TECTA: variants seen among roughly 807,000 people sequenced by gnomAD.
TECTA encodes the protein alpha-tectorin.
Under a neutral mutation model 216.8 loss-of-function variants are expected in TECTA, and 128 were observed. That is an observed-to-expected ratio of 0.59 (90% CI 0.51 to 0.68). The LOEUF (loss-of-function observed/expected upper bound fraction) is 0.68. TECTA is among the 30% of genes least tolerant of loss of function. The pLI is 0.00. For synonymous variants in TECTA, 1,089 were observed against 1,117.1 expected, an observed-to-expected ratio of 0.97 and a Z score of 0.50; for missense variants, 2,551 against 2,786.2, an observed-to-expected ratio of 0.92 and a Z score of 1.90.
At position 121,112,391 on chromosome 11, in the gene TECTA, TAA is replaced by T. The variant is rs751533446; in HGVS notation, c.487-680_487-679del. 3.5e-4 allele frequency among the ~76,000 whole-genome samples: 53 copies of T among 152,226 alleles called. 1 individual carries two copies. The highest frequency in any genetic ancestry group is 5.9e-5 in the Non-Finnish European group (4 of 68,040). On this transcript the variant is annotated intron_variant, in intron 4 of 23. Coordinates refer to ENST00000392793, the MANE Select transcript of TECTA (RefSeq NM_005422.4). ...CATTTCCCGCAGTCCCTAGTTTTCT[TAA>T]CTATAAGATAGGCGTGGGCCAATAC...
At chr11:121,121,819 C>T (rs1343709421) in intron 7 of TECTA, among the ~76,000 whole-genome samples, 1 of 152,184 alleles carries the variant, frequency 6.6e-6, no homozygotes, top group Non-Finnish European at 1.5e-5. Flanking sequence ...GCCCATTCAG[C>T]AGTTGACGTA....
intron 20 of TECTA, among the ~76,000 whole-genome samples, chr11:121,180,000 C>A (rs1395553860): frequency 3.4e-5 from 5 of 147,374 alleles, no homozygotes; most frequent in Non-Finnish European, 7.5e-5. Flanking sequence ...AGCTGTTCAA[C>A]CAGTCTGTAT....
rs1358901897 is a variant in TECTA at position 121,125,774 on chromosome 11, A to G, written c.1676A>G (p.Asp559Gly). The change falls in exon 8 of 24, where the codon GAC becomes GGC. Residue 559 changes from aspartate (D) to glycine (G), a missense_variant. This residue lies in a region of TECTA where 2,375 missense variants were observed against 2,563.9 expected (regional missense o/e 0.93). Coordinates refer to ENST00000392793, the MANE Select transcript of TECTA (RefSeq NM_005422.4). ...GTGTATGACCTGTGCAGTGTGAGGG[A>G]CAATGGCACGCTCCTCTGCCAAGCC... Reference protein sequence around the residue: ...SCVYDLCSVRDNGTLLCQAIQ... With the variant: ...SCVYDLCSVRGNGTLLCQAIQ... 4.3e-6 allele frequency: 7 copies of G among 1,614,112 alleles called. No homozygotes were observed. The East Asian group carries it at 1.3e-4, about 31-fold the overall frequency.
chr11:121,104,296 G>T (rs902878042), intron 2 of TECTA, among the ~76,000 whole-genome samples: 6 of 152,038 alleles, frequency 3.9e-5, no homozygotes, highest in African/African-American at 1.4e-4. Context: ...TTACTATTAT[G>T]TAAATAGAAA....
At chr11:121,190,415 C>G (rs889878711) in intron 23 of TECTA, among the ~76,000 whole-genome samples, 1 of 152,184 alleles carries the variant, frequency 6.6e-6, no homozygotes, top group African/African-American at 2.4e-5. Context: ...CAGGCACACG[C>G]CACCACGCCC....
In TECTA at chr11:121,125,859, C is replaced by T. The variant is rs376942872; in HGVS notation, c.1761C>T (p.Thr587=). 53 of 1,609,014 alleles carry T rather than the reference C, an allele frequency of 3.3e-5. No homozygotes were observed. The highest frequency in any genetic ancestry group is 3.9e-5 in the Non-Finnish European group (46 of 1,180,012). Reference sequence around the variant, plus strand: ...GCATTCCAATTGGAGACTGGCGAACCCAGACTGGGTGTGGTAAGCTGGCAT... The same window carrying T: ...GCATTCCAATTGGAGACTGGCGAACTCAGACTGGGTGTGGTAAGCTGGCAT... ...ALGIPIGDWR[T]QTGCVSTVQC... is the part of the protein sequence containing the mutation. Residue 587 remains threonine (T), a synonymous_variant, in exon 8 of 24, where the codon ACC becomes ACT. Coordinates refer to ENST00000392793, the MANE Select transcript of TECTA (RefSeq NM_005422.4).
intron 20 of TECTA, among the ~76,000 whole-genome samples, chr11:121,174,976 C>T (rs574119426): frequency 5.9e-5 from 9 of 152,254 alleles, no homozygotes; most frequent in South Asian, 2.1e-4. Context: ...AGTTTATTTG[C>T]GTAGAGCTGT....
chr11:121,101,755 C>T (rs1467770408), intron 1 of TECTA, among the ~76,000 whole-genome samples: 1 of 152,100 alleles, frequency 6.6e-6, no homozygotes, highest in Non-Finnish European at 1.5e-5. Context: ...GAAGGTTTTT[C>T]TTTTTTAAGA....
rs1565523273 is a variant in TECTA at position 121,128,242 on chromosome 11, C to T, written c.2265C>T (p.Asn755=). 5.0e-6 allele frequency: 8 copies of T among 1,600,750 alleles called. No homozygotes were observed. Among genetic ancestry groups the T allele is most frequent in the Non-Finnish European group, 6.8e-6 (8 of 1,179,960 alleles). The stretch of plus-strand genomic sequence containing the variant: ...CAGAGTACTTGGAAATCGACATCAA[C>T]AAGAAGAAGCCCGATGCAGGACCTG... ...ERPEYLEIDI[N]KKKPDAGPAW... The change falls in exon 9 of 24, where the codon AAC becomes AAT. Residue 755 remains asparagine (N), a synonymous_variant. Coordinates refer to ENST00000392793, the MANE Select transcript of TECTA (RefSeq NM_005422.4).
intron 20 of TECTA, among the ~76,000 whole-genome samples, chr11:121,181,642 G>T (rs911639108): frequency 6.7e-6 from 1 of 150,224 alleles, no homozygotes; most frequent in Non-Finnish European, 1.5e-5. Context: ...GCTAATTTTT[G>T]TATTTTTAGT....
intron 20 of TECTA, among the ~76,000 whole-genome samples, chr11:121,173,632 C>T (rs1374800432): frequency 7.0e-6 from 1 of 143,478 alleles, no homozygotes; most frequent in Non-Finnish European, 1.5e-5. Context: ...GTGATGCCTC[C>T]AGCTTTGTTC....
Position 121,188,064 on chromosome 11 carries a change from C to A in TECTA, c.6162+70C>A, listed in dbSNP as rs1324240307. 1.0e-5 allele frequency: 16 copies of A among 1,555,968 alleles called. No individual in the cohort carries two copies. In the African/African-American group the frequency reaches 2.0e-4, roughly 20 times the overall value. ...TGTCTTGGTTTCCCAACATGAGGAT[C>A]GTGAATGCCAGGTGACCGGACTGGA... is the stretch of plus-strand genomic sequence containing the variant. On this transcript the variant is annotated intron_variant, in intron 21 of 23. Coordinates refer to ENST00000392793, the MANE Select transcript of TECTA (RefSeq NM_005422.4).
intron 11 of TECTA, among the ~76,000 whole-genome samples, chr11:121,144,881 T>C (rs535642709): frequency 1.3e-5 from 2 of 152,168 alleles, no homozygotes; most frequent in South Asian, 2.1e-4. Context: ...TAAGGCAGAC[T>C]GTGATGTGTG....
chr11:121,111,811 A>G (rs997280346), intron 4 of TECTA, among the ~76,000 whole-genome samples: 1 of 152,206 alleles, frequency 6.6e-6, no homozygotes, highest in African/African-American at 2.4e-5. Context: ...CTTCTGTTGA[A>G]TGGGGCCAGA....
chr11:121,182,386 C>A (rs1947238926), intron 20 of TECTA, among the ~76,000 whole-genome samples: 1 of 151,728 alleles, frequency 6.6e-6, no homozygotes, highest in South Asian at 2.1e-4. Flanking sequence ...TGAGTTCTGG[C>A]AGTGGTGGCA....
intron 11 of TECTA, among the ~76,000 whole-genome samples, chr11:121,143,161 G>A (rs1473947093): frequency 6.6e-6 from 1 of 152,178 alleles, no homozygotes; most frequent in Non-Finnish European, 1.5e-5. Context: ...TGGGTGTTTT[G>A]CAGGGTTTAT....
intron 7 of TECTA, among the ~76,000 whole-genome samples, chr11:121,119,977 G>A (rs556111578): frequency 6.6e-6 from 1 of 152,316 alleles, no homozygotes; most frequent in African/African-American, 2.4e-5. Flanking sequence ...ATATTGTGCT[G>A]TTGAGCACTA....
chr11:121,159,347 C>T (rs571809195), intron 14 of TECTA, among the ~76,000 whole-genome samples: 1 of 152,250 alleles, frequency 6.6e-6, no homozygotes, highest in South Asian at 2.1e-4. Context: ...AAAATGACCA[C>T]CCAAGAGAGC....
intron 21 of TECTA, 102 bp from the exon 22 acceptor site, chr11:121,188,978 C>A: frequency 8.5e-7 from 1 of 1,176,110 alleles, no homozygotes. Flanking sequence ...CTCCATAATG[C>A]TTGAGGCCAG....
Sources: gnomAD v4.1 joint callset for allele counts (sites outside exome capture counted in the v4.1 genomes callset) on GRCh38, gnomAD v4.1.1 for gene constraint, gnomAD v4.1.1 regional missense constraint, MANE v1.5 for transcripts, NCBI Gene and HGNC (gene_info 2026-07-23, HGNC 2026-07-21) for gene names.